MECOM: variants seen among roughly 807,000 people sequenced by gnomAD.
The protein encoded by MECOM is histone-lysine N-methyltransferase MECOM.
MECOM carries 13 observed loss-of-function variants against 116.3 expected under a neutral mutation model. That is an observed-to-expected ratio of 0.11 (90% CI 0.07 to 0.18). The LOEUF is 0.18. MECOM is among the 10% of genes least tolerant of loss of function. The pLI is 1.00. For synonymous variants in MECOM, 528 were observed against 535.2 expected (o/e 0.99, Z 0.19); for missense variants, 1,299 against 1,509.0 (o/e 0.86, Z 2.31).
chr3:169,467,994 T>C (rs1261683345), intron 1 of MECOM, among the ~76,000 whole-genome samples: 1 of 152,186 alleles, frequency 6.6e-6, no homozygotes, highest in Non-Finnish European at 1.5e-5. Flanking sequence ...TGGTTACTTT[T>C]CTGGCCAACT....
intron 1 of MECOM, among the ~76,000 whole-genome samples, chr3:169,586,565 A>G (rs1265169789): frequency 2.0e-5 from 3 of 152,214 alleles, no homozygotes; most frequent in Admixed American, 2.0e-4. Flanking sequence ...TATATTCGCA[A>G]AAAAGTTTTA....
intron 2 of MECOM, among the ~76,000 whole-genome samples, chr3:169,307,602 C>A (rs935918735): frequency 4.6e-5 from 7 of 152,158 alleles, no homozygotes; most frequent in Admixed American, 1.3e-4. Context: ...AATGCAGCAT[C>A]ATGTTAAGAT....
At chr3:169,130,323 C>T (rs982361378) in intron 4 of MECOM, among the ~76,000 whole-genome samples, 4 of 152,214 alleles carry the variant, frequency 2.6e-5, no homozygotes, top group South Asian at 2.1e-4. Flanking sequence ...TCCTTGCTGC[C>T]GAAGAGCCCT....
At chr3:169,605,588 G>T (rs766280486) in intron 1 of MECOM, among the ~76,000 whole-genome samples, 1 of 152,196 alleles carries the variant, frequency 6.6e-6, no homozygotes, top group Non-Finnish European at 1.5e-5. Flanking sequence ...AAGACAGAAA[G>T]AGTCCCACTG....
chr3:169,564,953 A>T (rs1406172144), intron 1 of MECOM, among the ~76,000 whole-genome samples: 1 of 152,240 alleles, frequency 6.6e-6, no homozygotes, highest in Admixed American at 6.5e-5. Flanking sequence ...AACTTTGAAG[A>T]AGGATGGTAC....
intron 2 of MECOM, among the ~76,000 whole-genome samples, chr3:169,249,448 C>G (rs931815057): frequency 6.6e-6 from 1 of 152,146 alleles, no homozygotes; most frequent in African/African-American, 2.4e-5. Flanking sequence ...TTCCTTGGCT[C>G]CCGGTCCAAG....
intron 2 of MECOM, among the ~76,000 whole-genome samples, chr3:169,323,693 A>G (rs1721305797): frequency 6.6e-6 from 1 of 152,108 alleles, no homozygotes; most frequent in Admixed American, 6.5e-5. Flanking sequence ...CCCTCAAACA[A>G]TGCATCCTTG....
intron 2 of MECOM, among the ~76,000 whole-genome samples, chr3:169,190,259 T>C (rs906610790): frequency 2.0e-5 from 3 of 151,992 alleles, no homozygotes; most frequent in Admixed American, 2.0e-4. Context: ...AAAATCTGGG[T>C]GAATTTTTAA....
intron 2 of MECOM, chr3:169,146,420 G>A: frequency 7.2e-7 from 1 of 1,393,534 alleles, no homozygotes; most frequent in Non-Finnish European, 9.6e-7. Context: ...ACGGAGGGAG[G>A]GGAAGGAGGA....
intron 1 of MECOM, among the ~76,000 whole-genome samples, chr3:169,662,308 G>A (rs557653521): frequency 1.8e-4 from 27 of 152,286 alleles, no homozygotes; most frequent in African/African-American, 6.0e-4. Context: ...CGGAGGCTGC[G>A]CTGCGCCCTC....
chr3:169,335,878 T>C (rs560349692), intron 2 of MECOM, among the ~76,000 whole-genome samples: 12 of 152,258 alleles, frequency 7.9e-5, no homozygotes, highest in African/African-American at 2.9e-4. Context: ...TTTACTAAAC[T>C]ATGATTTCAT....
intron 1 of MECOM, among the ~76,000 whole-genome samples, chr3:169,496,116 G>A (rs183879575): frequency 1.4e-3 from 220 of 152,284 alleles, no homozygotes; most frequent in African/African-American, 5.1e-3. Context: ...CTGTTGTTAT[G>A]GGGAAATTGG....
intron 2 of MECOM, among the ~76,000 whole-genome samples, chr3:169,191,787 A>AAAGAAAG (rs1559974142): frequency 1.4e-5 from 2 of 146,792 alleles, no homozygotes; most frequent in Non-Finnish European, 3.0e-5. Context: ...AGAAAGAAAG[A>AAAGAAAG]AAGAAAGGGA....
intron 15 of MECOM, among the ~76,000 whole-genome samples, 163 bp from the exon 16 acceptor site, chr3:169,089,346 T>A (rs1718918724): frequency 6.6e-6 from 1 of 152,138 alleles, no homozygotes. Flanking sequence ...CTTACAAACA[T>A]CATGTCTTAA....
chr3:169,365,179 C>T (rs1728956940), intron 2 of MECOM, among the ~76,000 whole-genome samples: 1 of 151,902 alleles, frequency 6.6e-6, no homozygotes. Context: ...AGGGTTTTAT[C>T]TTATTTATTT....
At chr3:169,217,615 C>G (rs911928079) in intron 2 of MECOM, among the ~76,000 whole-genome samples, 1 of 151,766 alleles carries the variant, frequency 6.6e-6, no homozygotes, top group African/African-American at 2.4e-5. Context: ...AAAACCCCGT[C>G]GCCACTAAAA....
At chr3:169,134,060 A>G (rs969144446) in intron 3 of MECOM, 3 of 689,364 alleles carry the variant, frequency 4.4e-6, no homozygotes, top group African/African-American at 3.7e-5. Flanking sequence ...ACAGTAAAAC[A>G]GTGCAATTGT....
At chr3:169,389,374 T>A (rs1433676415) in intron 1 of MECOM, among the ~76,000 whole-genome samples, 1 of 152,176 alleles carries the variant, frequency 6.6e-6, no homozygotes, top group Non-Finnish European at 1.5e-5. Flanking sequence ...AAGGAAAACA[T>A]GAGCTGGTTA....
chr3:169,169,777 A>G (rs1281885024), intron 2 of MECOM, among the ~76,000 whole-genome samples: 1 of 151,934 alleles, frequency 6.6e-6, no homozygotes, highest in African/African-American at 2.4e-5. Flanking sequence ...ATAAACAGAG[A>G]GGGTCAGCAA....
Sources: allele counts gnomAD v4.1 joint callset (sites outside exome capture counted in the v4.1 genomes callset), GRCh38; gene constraint gnomAD v4.1.1; transcripts MANE v1.5; gene names NCBI Gene and HGNC (gene_info 2026-07-23, HGNC 2026-07-21).